Variants in FA2H observed in about 807,000 individuals in gnomAD.
FA2H encodes the protein fatty acid alpha-hydroxylase.
Under a neutral mutation model 44.9 loss-of-function variants are expected in FA2H, and 22 were observed. That is an observed-to-expected ratio of 0.49 (90% CI 0.35 to 0.70). FA2H has a LOEUF of 0.70. Ranked by LOEUF, FA2H falls within the 30% of genes least tolerant of loss-of-function variation. The pLI is 0.01. For synonymous variants in FA2H, 243 were observed against 213.2 expected, an observed-to-expected ratio of 1.14 and a Z score of -1.22; for missense variants, 501 against 504.9, an observed-to-expected ratio of 0.99 and a Z score of 0.07.
intron 6 of FA2H, 125 bp from the exon 7 acceptor site, chr16:74,714,394 C>T (rs1390960106): frequency 2.8e-6 from 2 of 721,382 alleles, no homozygotes; most frequent in East Asian, 2.7e-5. Flanking sequence ...CCTTGGCCTT[C>T]CCAACTCCCG....
intron 5 of FA2H, among the ~76,000 whole-genome samples, 188 bp downstream of exon 5, chr16:74,718,800 C>T (rs971730092): frequency 6.6e-6 from 1 of 152,196 alleles, no homozygotes; most frequent in Non-Finnish European, 1.5e-5. Flanking sequence ...TGCACACCCA[C>T]GCTGTCCCCG....
chr16:74,715,583 C>T (rs145439264), intron 6 of FA2H, among the ~76,000 whole-genome samples: 2,578 of 152,304 alleles, frequency 0.017, 27 homozygotes, highest in Non-Finnish European at 0.028. Context: ...TGAGCCACTG[C>T]GCTCAGCCAT....
At chr16:74,762,315 T>G (rs1962729071) in intron 1 of FA2H, among the ~76,000 whole-genome samples, 1 of 152,150 alleles carries the variant, frequency 6.6e-6, no homozygotes, top group African/African-American at 2.4e-5. Flanking sequence ...AGTGTTGGGA[T>G]TACAGGCGTG....
At chr16:74,760,063 T>C (rs1445117218) in intron 1 of FA2H, among the ~76,000 whole-genome samples, 1 of 152,230 alleles carries the variant, frequency 6.6e-6, no homozygotes, top group Non-Finnish European at 1.5e-5. Context: ...ATGGTACAGA[T>C]GAAATCCCTC....
intron 1 of FA2H, among the ~76,000 whole-genome samples, chr16:74,772,699 C>G (rs1962931750): frequency 6.6e-6 from 1 of 152,128 alleles, no homozygotes; most frequent in African/African-American, 2.4e-5. Flanking sequence ...TTCAGGAGTC[C>G]CCCTTATCCA....
chr16:74,733,260 A>G (rs1962113217), intron 2 of FA2H, among the ~76,000 whole-genome samples: 1 of 152,218 alleles, frequency 6.6e-6, no homozygotes. Context: ...GCCAACACCT[A>G]TAGTTCTATG....
intron 1 of FA2H, among the ~76,000 whole-genome samples, chr16:74,743,973 T>C (rs1026236039): frequency 2.0e-5 from 3 of 152,038 alleles, no homozygotes; most frequent in Non-Finnish European, 4.4e-5. Context: ...TTCTCAAGTC[T>C]AGTTGTGAGA....
chr16:74,716,777 ACTGT>A (rs1961714468), intron 5 of FA2H, 178 bp from the exon 6 acceptor site: 1 of 647,508 alleles, frequency 1.5e-6, no homozygotes, highest in Non-Finnish European at 2.6e-6. Context: ...ATCTGGAGAG[ACTGT>A]CTTACTTCCC....
chr16:74,747,008 G>A (rs1597561517), intron 1 of FA2H, among the ~76,000 whole-genome samples: 1 of 152,230 alleles, frequency 6.6e-6, no homozygotes, highest in East Asian at 1.9e-4. Context: ...CTCCCCTTAT[G>A]TCTAGAAAGG....
At chr16:74,752,010 C>T (rs1962534204) in intron 1 of FA2H, among the ~76,000 whole-genome samples, 1 of 152,162 alleles carries the variant, frequency 6.6e-6, no homozygotes, top group Non-Finnish European at 1.5e-5. Context: ...ATCAAATCGC[C>T]CAGTTGCTCA....
Position 74,743,503 on chromosome 16 carries a change from C to T in FA2H, c.271-3388G>A, listed in dbSNP as rs971264096. ...GGGGGAAGGGCAGTGGGTCATGCCT[C>T]GAGCGGCTCCATCCCCCGCACAGAG... is the stretch of plus-strand genomic sequence containing the variant. On this transcript the variant is annotated intron_variant, in intron 1 of 6. Coordinates refer to ENST00000219368, the MANE Select transcript of FA2H (RefSeq NM_024306.5). Among the ~76,000 whole-genome samples the T allele has an allele frequency of 5.3e-5, 8 of 152,172 alleles. No homozygotes were observed. In the East Asian group the frequency reaches 5.8e-4, roughly 11 times the overall value.
chr16:74,770,537 C>T (rs1056858230), intron 1 of FA2H, among the ~76,000 whole-genome samples: 1 of 152,132 alleles, frequency 6.6e-6, no homozygotes, highest in African/African-American at 2.4e-5. Flanking sequence ...AGCCACCACA[C>T]CCAGCTAATT....
intron 4 of FA2H, among the ~76,000 whole-genome samples, chr16:74,722,484 T>C (rs1449798023): frequency 1.3e-5 from 2 of 151,934 alleles, no homozygotes; most frequent in Admixed American, 1.3e-4. Flanking sequence ...TGCAGTGAGC[T>C]GTGATTGCAC....
At chr16:74,724,177 C>T (rs1468188256) in intron 4 of FA2H, among the ~76,000 whole-genome samples, 1 of 152,192 alleles carries the variant, frequency 6.6e-6, no homozygotes, top group African/African-American at 2.4e-5. Flanking sequence ...GCTGGGATTA[C>T]AGGCGTGAGC....
chr16:74,727,461 G>A, intron 2 of FA2H, 75 bp from the exon 3 acceptor site: 1 of 1,491,432 alleles, frequency 6.7e-7, no homozygotes, highest in South Asian at 1.1e-5. Flanking sequence ...CCTCGTTACA[G>A]CATCCCAATC....
chr16:74,742,922 G>A (rs184057445), intron 1 of FA2H, among the ~76,000 whole-genome samples: 49 of 152,324 alleles, frequency 3.2e-4, no homozygotes, highest in Non-Finnish European at 1.5e-5. Flanking sequence ...TAGGAAGTAT[G>A]TGTTTTCAGG....
intron 1 of FA2H, among the ~76,000 whole-genome samples, chr16:74,754,454 T>G (rs1186627068): frequency 6.6e-6 from 1 of 152,146 alleles, no homozygotes; most frequent in Non-Finnish European, 1.5e-5. Flanking sequence ...ATAGTGTTCC[T>G]CCTCCAATTC....
chr16:74,721,515 T>A (rs1961839522), intron 4 of FA2H, among the ~76,000 whole-genome samples: 1 of 152,124 alleles, frequency 6.6e-6, no homozygotes, highest in African/African-American at 2.4e-5. Context: ...CCTGCACCCA[T>A]GAACCCTCAC....
chr16:74,740,172 C>G, intron 1 of FA2H, 57 bp from the exon 2 acceptor site: 1 of 1,380,468 alleles, frequency 7.2e-7, no homozygotes, highest in Non-Finnish European at 1.0e-6. Flanking sequence ...GAGGGCAGAG[C>G]CCCGAGCTGC....
Sources: allele counts gnomAD v4.1 joint callset (sites outside exome capture counted in the v4.1 genomes callset), GRCh38; gene constraint gnomAD v4.1.1; transcripts MANE v1.5; gene names NCBI Gene and HGNC (gene_info 2026-07-23, HGNC 2026-07-21).